FOXJ3: variants seen among roughly 807,000 people sequenced by gnomAD.
The protein encoded by FOXJ3 is forkhead box J3, also known as forkhead box protein J3.
In FOXJ3, 22 loss-of-function variants were observed where a neutral mutation model predicts 76.1. The observed-to-expected ratio is 0.29, with a 90% CI of 0.21 to 0.41. The LOEUF is 0.41. Among genes scored for constraint, FOXJ3 ranks in the 10% least tolerant of loss-of-function variants. The pLI, the probability that FOXJ3 is intolerant of heterozygous loss-of-function variation, is 1.00. For synonymous variants in FOXJ3, 269 were observed against 261.2 expected, an observed-to-expected ratio of 1.03 and a Z score of -0.29; for missense variants, 613 against 762.1, an observed-to-expected ratio of 0.80 and a Z score of 2.30.
chr1:42,196,012 C>A (rs1481150665), intron 7 of FOXJ3, among the ~76,000 whole-genome samples: 1 of 152,194 alleles, frequency 6.6e-6, no homozygotes, highest in East Asian at 1.9e-4. Context: ...TCTATTTTGC[C>A]AGAGGTTGCC....
At chr1:42,188,669 T>C in intron 11 of FOXJ3, 68 bp downstream of exon 11, 1 of 1,099,856 alleles carries the variant, frequency 9.1e-7, no homozygotes, top group Non-Finnish European at 1.3e-6. Flanking sequence ...CCAAGTTGGT[T>C]AAGACAGTTA....
chr1:42,223,179 A>T (rs1207334318), intron 5 of FOXJ3, among the ~76,000 whole-genome samples: 1 of 152,234 alleles, frequency 6.6e-6, no homozygotes, highest in Non-Finnish European at 1.5e-5. Context: ...AGGTATATAC[A>T]GCATTCAGAA....
chr1:42,225,679 A>G (rs142979884), intron 5 of FOXJ3, among the ~76,000 whole-genome samples: 36 of 152,324 alleles, frequency 2.4e-4, no homozygotes, highest in Non-Finnish European at 4.6e-4. Flanking sequence ...ATATACCACA[A>G]AAGTAAATTT....
chr1:42,309,231 G>C (rs1195462596), intron 2 of FOXJ3, among the ~76,000 whole-genome samples: 1 of 152,006 alleles, frequency 6.6e-6, no homozygotes, highest in Non-Finnish European at 1.5e-5. Context: ...CTCCAAAGCT[G>C]GGCAATTGTA....
At chr1:42,316,333 C>CTTTTTTTTTTTTTTTTTTTT (rs71065173) in intron 1 of FOXJ3, among the ~76,000 whole-genome samples, 8 of 73,916 alleles carry the variant, frequency 1.1e-4, no homozygotes, top group Middle Eastern at 8.8e-3. Flanking sequence ...TGCATTGGGC[C>CTTTTTTTTTTTTTTTTTTTT]TTTTTTTTTT....
intron 6 of FOXJ3, among the ~76,000 whole-genome samples, chr1:42,202,802 C>G (rs1325661068): frequency 6.6e-6 from 1 of 152,144 alleles, no homozygotes; most frequent in Non-Finnish European, 1.5e-5. Context: ...TCCCAAAGTG[C>G]TGGTATTAAA....
upstream of FOXJ3, chr1:42,335,644 A>G (rs1328203473): frequency 2.7e-5 from 4 of 148,080 alleles, no homozygotes; most frequent in Admixed American, 2.0e-4. Flanking sequence ...CCGGCACCTT[A>G]GCCTCCTCTC....
chr1:42,193,496 T>A (rs896315289), intron 8 of FOXJ3, among the ~76,000 whole-genome samples: 1 of 151,976 alleles, frequency 6.6e-6, no homozygotes, highest in Admixed American at 6.6e-5. Context: ...CTATTGTGAA[T>A]ACCAAGGTTG....
chr1:42,240,192 G>C (rs920356508), intron 4 of FOXJ3, among the ~76,000 whole-genome samples: 1 of 152,064 alleles, frequency 6.6e-6, no homozygotes, highest in African/African-American at 2.4e-5. Flanking sequence ...TTAGTTTTTT[G>C]TTTGTTTTTA....
chr1:42,181,812 GAC>G (rs112821227), intron 12 of FOXJ3, 103 bp downstream of exon 12: 3,303 of 601,936 alleles, frequency 5.5e-3, no homozygotes, highest in South Asian at 6.2e-3. Flanking sequence ...GGTAATAACT[GAC>G]ACACACACAC....
At chr1:42,242,671 G>A (rs11488299) in intron 4 of FOXJ3, among the ~76,000 whole-genome samples, 3,559 of 151,926 alleles carry the variant, frequency 0.023, 140 homozygotes, top group African/African-American at 0.082. Flanking sequence ...CAATCTACCC[G>A]GCCCACTGCT....
At chr1:42,234,484 TAG>T (rs1349786159) in intron 4 of FOXJ3, among the ~76,000 whole-genome samples, 1 of 152,210 alleles carries the variant, frequency 6.6e-6, no homozygotes, top group Non-Finnish European at 1.5e-5. Context: ...CTCTGATTTT[TAG>T]AGTTTCCAGT....
At chr1:42,329,550 A>T (rs1360639792) in intron 1 of FOXJ3, among the ~76,000 whole-genome samples, 1 of 152,224 alleles carries the variant, frequency 6.6e-6, no homozygotes, top group East Asian at 1.9e-4. Context: ...ATTCACAGTT[A>T]AAGGAAGGCT....
intron 3 of FOXJ3, among the ~76,000 whole-genome samples, chr1:42,273,124 A>G (rs78938812): frequency 0.012 from 1,899 of 152,294 alleles, 36 homozygotes; most frequent in African/African-American, 0.043. Context: ...TCACATACAC[A>G]ATGGATATTT....
In FOXJ3 at chr1:42,278,310, T is replaced by C. The variant is rs773261046; in HGVS notation, c.369+38A>G. On this transcript the variant is annotated intron_variant, in intron 3 of 12. Coordinates refer to ENST00000361346, the MANE Select transcript of FOXJ3 (RefSeq NM_014947.5). ...TTTCAGTAGAAATCAACATCATTGC[T>C]TACTTCATAAAAGTAATAATTTAAA... 9 of 1,337,960 alleles carry C rather than the reference T, an allele frequency of 6.7e-6. No individual in the cohort carries two copies. In the South Asian group the frequency reaches 1.2e-4, roughly 17 times the overall value. 82.9% of individuals were successfully genotyped at this position (1,337,960 alleles called of 1,614,324 possible).
chr1:42,323,978 T>TG (rs1655583809), intron 1 of FOXJ3, among the ~76,000 whole-genome samples: 1 of 149,838 alleles, frequency 6.7e-6, no homozygotes, highest in African/African-American at 2.4e-5. Flanking sequence ...TTCACTGACC[T>TG]GAATGATTAA....
At chr1:42,215,241 A>G (rs1241182913) in intron 5 of FOXJ3, among the ~76,000 whole-genome samples, 3 of 152,220 alleles carry the variant, frequency 2.0e-5, no homozygotes, top group Non-Finnish European at 4.4e-5. Context: ...TCAATGAAAT[A>G]AAGTTAAAAA....
intron 5 of FOXJ3, among the ~76,000 whole-genome samples, chr1:42,206,239 C>G (rs1041907794): frequency 6.6e-6 from 1 of 152,184 alleles, no homozygotes; most frequent in Non-Finnish European, 1.5e-5. Context: ...TTTCTAGATT[C>G]CTGAGAAGCT....
At chr1:42,315,610 T>C (rs1655058590) in intron 1 of FOXJ3, among the ~76,000 whole-genome samples, 1 of 152,260 alleles carries the variant, frequency 6.6e-6, no homozygotes, top group East Asian at 1.9e-4. Flanking sequence ...AATGACGTCC[T>C]GAACCCTAGC....
Sources: allele counts gnomAD v4.1 joint callset (sites outside exome capture counted in the v4.1 genomes callset), GRCh38; gene constraint gnomAD v4.1.1; transcripts MANE v1.5; gene names NCBI Gene and HGNC (gene_info 2026-07-23, HGNC 2026-07-21).